The following SNRPA variants were observed in gnomAD, a reference collection of about 807,000 sequenced individuals.
SNRPA encodes the protein U1 small nuclear ribonucleoprotein A.
Under a neutral mutation model 24.5 loss-of-function variants are expected in SNRPA, and 10 were observed. That is an observed-to-expected ratio of 0.41 (90% CI 0.25 to 0.69). The LOEUF is 0.69. SNRPA is among the 30% of genes least tolerant of loss of function. The probability of loss-of-function intolerance (pLI) is 0.33; values close to 1 mark genes in which losing one functional copy is unlikely to be tolerated. For synonymous variants in SNRPA, 165 were observed against 148.4 expected (o/e 1.11, Z -0.81); for missense variants, 283 against 394.7 (o/e 0.72, Z 2.40).
chr19:40,764,497 T>C (rs953556513), intron 5 of SNRPA, among the ~76,000 whole-genome samples: 60 of 152,082 alleles, frequency 3.9e-4, no homozygotes, highest in African/African-American at 1.4e-3. Context: ...AAGTATGGAA[T>C]GAGAAGAGGG....
intron 2 of SNRPA, 123 bp downstream of exon 2, chr19:40,757,627 A>G (rs1249243270): frequency 1.1e-6 from 1 of 896,432 alleles, no homozygotes; most frequent in African/African-American, 1.7e-5. Flanking sequence ...CCAGGCTCCC[A>G]CTGCACCTTG....
rs748729343 is a variant in SNRPA, at chr19:40,757,319, TC to T, written c.74-8del. 2.5e-6 allele frequency: 4 copies of T among 1,613,556 alleles called. No individual in the cohort carries two copies. Among genetic ancestry groups the T allele is most frequent in the East Asian group, 2.2e-5 (1 of 44,860 alleles). On this transcript the variant is annotated splice_polypyrimidine_tract_variant and intron_variant, in intron 1 of 5. Transcript: ENST00000243563. ...AAAGGGGAGCTCAAAGGTCTTTTTTTCCCCCACTGCAGAGCTAAAAAAGTCC... is the reference window on the plus strand; with the variant it reads ...AAAGGGGAGCTCAAAGGTCTTTTTTTCCCCACTGCAGAGCTAAAAAAGTCC...
chr19:40,764,912 T>G (rs1374616797), intron 5 of SNRPA, 96 bp from the exon 6 acceptor site: 4 of 1,225,922 alleles, frequency 3.3e-6, no homozygotes. Context: ...CCCTGTGCAT[T>G]GGAGGCTATT....
chr19:40,752,550 C>T (rs1349122761), intron 1 of SNRPA, among the ~76,000 whole-genome samples: 7 of 137,058 alleles, frequency 5.1e-5, no homozygotes, highest in Non-Finnish European at 1.1e-4. Flanking sequence ...CAAGATCAGC[C>T]TAGGCGACAA....
chr19:40,760,406 T>C (rs955568856), intron 3 of SNRPA, among the ~76,000 whole-genome samples: 1 of 152,162 alleles, frequency 6.6e-6, no homozygotes, highest in African/African-American at 2.4e-5. Flanking sequence ...ACGACTACAC[T>C]GAAATCACAG....
At chr19:40,762,388 T>C (rs1334578936) in intron 3 of SNRPA, among the ~76,000 whole-genome samples, 1 of 151,952 alleles carries the variant, frequency 6.6e-6, no homozygotes, top group Admixed American at 6.6e-5. Flanking sequence ...GGCTAATATT[T>C]GTATTTTTGG....
intron 1 of SNRPA, chr19:40,757,107 A>G: frequency 1.8e-6 from 1 of 550,712 alleles, no homozygotes; most frequent in East Asian, 3.2e-5. Flanking sequence ...ATGTATGTGC[A>G]CATGTTCATT....
At chr19:40,752,579 CAAAAAAAAA>C (rs59705765) in intron 1 of SNRPA, among the ~76,000 whole-genome samples, 1 of 61,280 alleles carries the variant, frequency 1.6e-5, no homozygotes, top group Non-Finnish European at 2.9e-5. Flanking sequence ...CTTTTCTCTA[CAAAAAAAAA>C]AAAAAAAAAA....
chr19:40,751,678 C>T, intron 1 of SNRPA, 197 bp downstream of exon 1: 1 of 569,882 alleles, frequency 1.8e-6, no homozygotes. Flanking sequence ...GTGGTCACTG[C>T]TGCTCATCTT....
rs1174350037 is a variant in SNRPA, at chr19:40,763,624, C to A, written c.638C>A (p.Thr213Asn). The change falls in exon 5 of 6, where the codon ACC becomes AAC. Residue 213 changes from threonine to asparagine, a missense_variant. Thr to Asn is a moderately conservative substitution (Grantham distance 65, BLOSUM62 0). Transcript: ENST00000243563. ...ENPPNHILFL[T>N]NLPEETNELM... Reference sequence around the variant, plus strand: ...CCACCGAATCACATCTTGTTCCTCACCAACCTGCCAGAGGAGACCAACGAG... The same window carrying A: ...CCACCGAATCACATCTTGTTCCTCAACAACCTGCCAGAGGAGACCAACGAG... 6.2e-7 allele frequency: 1 copy of A among 1,614,156 alleles called. No individual in the cohort carries two copies. The highest frequency in any genetic ancestry group is 2.2e-5 in the East Asian group (1 of 44,864).
Position 40,763,647 on chromosome 19 carries a change from G to A in SNRPA, c.661G>A (p.Glu221Lys), listed in dbSNP as rs777130046. 1.2e-6 allele frequency: 2 copies of A among 1,614,080 alleles called. No homozygotes were observed. Among genetic ancestry groups the A allele is most frequent in the South Asian group, 1.1e-5 (1 of 91,070 alleles). Residue 221 changes from glutamate (E) to lysine (K), a missense_variant, in exon 5 of 6, where the codon GAG (glutamate) becomes AAG (lysine). Physicochemically the swap from Glu to Lys is moderately conservative, Grantham distance 56. This residue lies in a region of SNRPA where 51 missense variants were observed against 110.3 expected (regional missense o/e 0.46). Coordinates refer to ENST00000243563, the MANE Select transcript of SNRPA (RefSeq NM_004596.5). ...CACCAACCTGCCAGAGGAGACCAAC[G>A]AGCTCATGCTGTCCATGCTTTTCAA... ...FLTNLPEETNELMLSMLFNQF... is the reference protein window; with the variant it reads ...FLTNLPEETNKLMLSMLFNQF...
intron 3 of SNRPA, among the ~76,000 whole-genome samples, chr19:40,760,404 A>G (rs1329025376): frequency 6.6e-6 from 1 of 152,228 alleles, no homozygotes; most frequent in African/African-American, 2.4e-5. Context: ...GAACGACTAC[A>G]CTGAAATCAC....
intron 1 of SNRPA, among the ~76,000 whole-genome samples, chr19:40,752,866 CATA>C (rs2082888797): frequency 2.0e-5 from 3 of 152,160 alleles, no homozygotes; most frequent in Admixed American, 1.3e-4. Flanking sequence ...TGAGCAAAAT[CATA>C]ATACCTTTTT....
chr19:40,760,677 G>T (rs1210623473), intron 3 of SNRPA, among the ~76,000 whole-genome samples: 1 of 152,216 alleles, frequency 6.6e-6, no homozygotes, highest in African/African-American at 2.4e-5. Context: ...AATGGCTCAT[G>T]CCTGTAATCC....
intron 5 of SNRPA, among the ~76,000 whole-genome samples, chr19:40,764,190 G>C (rs1393506825): frequency 6.6e-6 from 1 of 152,130 alleles, no homozygotes; most frequent in African/African-American, 2.4e-5. Flanking sequence ...TTCATCTGGT[G>C]GTTCTGTTTC....
In SNRPA at chr19:40,763,031, C is replaced by G; in HGVS notation, c.557C>G (p.Pro186Arg). Reference sequence around the variant, plus strand: ...GGCCAGATCCCACCAGGGGCCATGCCCCCGCAGCAGCTTATGCCAGGACAG... The same window carrying G: ...GGCCAGATCCCACCAGGGGCCATGCGCCCGCAGCAGCTTATGCCAGGACAG... The part of the protein sequence containing the change: ...APGQIPPGAM[P>R]PQQLMPGQMP... Residue 186 changes from proline to arginine, a missense_variant, in exon 4 of 6, where the codon CCC becomes CGC. By Grantham distance (103) the Pro-to-Arg change is moderately radical (BLOSUM62 -2). This residue lies in a region of SNRPA where 167 missense variants were observed against 174.3 expected (regional missense o/e 0.96). Coordinates refer to ENST00000243563, the MANE Select transcript of SNRPA (RefSeq NM_004596.5). 1 of 1,605,328 alleles carries G rather than the reference C, an allele frequency of 6.2e-7. No individual in the cohort carries two copies. Among genetic ancestry groups the G allele is most frequent in the South Asian group, 1.1e-5 (1 of 89,868 alleles).
At chr19:40,758,614 C>A (rs1278391956) in intron 2 of SNRPA, among the ~76,000 whole-genome samples, 1 of 152,222 alleles carries the variant, frequency 6.6e-6, no homozygotes. Context: ...TTAGTCCTCA[C>A]AACAGTCCTT....
At chr19:40,760,914 G>A (rs2082928604) in intron 3 of SNRPA, among the ~76,000 whole-genome samples, 1 of 152,162 alleles carries the variant, frequency 6.6e-6, no homozygotes, top group Admixed American at 6.6e-5. Flanking sequence ...ACTCCAGCCT[G>A]GGTAACAGAG....
At chr19:40,763,200 A>G (rs2082940510) in intron 4 of SNRPA, 126 bp downstream of exon 4, 1 of 684,486 alleles carries the variant, frequency 1.5e-6, no homozygotes, top group African/African-American at 1.8e-5. Context: ...GGTGGTACTG[A>G]ATGAGGAAGT....
Sources: gnomAD v4.1 joint callset for allele counts (sites outside exome capture counted in the v4.1 genomes callset) on GRCh38, gnomAD v4.1.1 for gene constraint, gnomAD v4.1.1 regional missense constraint, MANE v1.5 for transcripts, NCBI Gene and HGNC (gene_info 2026-07-23, HGNC 2026-07-21) for gene names.